KLHL26: variants seen among roughly 807,000 people sequenced by gnomAD.
The protein encoded by KLHL26 is kelch like family member 26.
A neutral mutation model predicts 7.1 loss-of-function variants in KLHL26; 4 were observed. The ratio of observed to expected loss-of-function variants is 0.56; its 90% CI spans 0.28 to 1.28. The LOEUF (loss-of-function observed/expected upper bound fraction) is 1.28, where lower values mean the gene tolerates loss of function less well. Among genes scored for constraint, KLHL26 ranks in the 50% most tolerant of loss-of-function variants. The pLI is 0.11. For synonymous variants in KLHL26, 465 were observed against 414.1 expected, an observed-to-expected ratio of 1.12 and a Z score of -1.49; for missense variants, 896 against 924.6, an observed-to-expected ratio of 0.97 and a Z score of 0.40.
At chr19:18,653,398 C>T (rs562421434) in intron 1 of KLHL26, among the ~76,000 whole-genome samples, 2 of 142,694 alleles carry the variant, frequency 1.4e-5, no homozygotes, top group Admixed American at 1.4e-4. Flanking sequence ...GCCCACCCAC[C>T]CACCTGCCCC....
At chr19:18,663,960 G>GCCTGTCT (rs2052417523) in intron 1 of KLHL26, among the ~76,000 whole-genome samples, 1 of 152,038 alleles carries the variant, frequency 6.6e-6, no homozygotes, top group East Asian at 1.9e-4. Context: ...CAATTCAGTG[G>GCCTGTCT]CATTTAGTAG....
chr19:18,668,118 C>A lies in KLHL26; in HGVS notation c.721C>A (p.Arg241=), dbSNP rs372759393. 6.3e-6 allele frequency: 10 copies of A among 1,599,478 alleles called. No individual in the cohort carries two copies. In the African/African-American group the frequency reaches 9.4e-5, roughly 15 times the overall value. ...VRWLQHDPAR[R]PRASHVLCHI... ...CTGGCTGCAGCATGACCCGGCCCGGCGGCCGCGCGCCAGCCACGTGCTCTG... is the reference window on the plus strand; with the variant it reads ...CTGGCTGCAGCATGACCCGGCCCGGAGGCCGCGCGCCAGCCACGTGCTCTG... Residue 241 remains arginine, a synonymous_variant, in exon 3 of 3, where the codon CGG becomes AGG. Coordinates refer to ENST00000300976, the MANE Select transcript of KLHL26 (RefSeq NM_018316.3).
chr19:18,651,628 G>T (rs941884825), intron 1 of KLHL26, among the ~76,000 whole-genome samples: 1 of 152,266 alleles, frequency 6.6e-6, no homozygotes. Context: ...ATCTGGCCTG[G>T]CTCTGCTGGG....
chr19:18,669,156 G>T lies in KLHL26; in HGVS notation c.1759G>T (p.Glu587Ter). 4 of 1,612,888 alleles carry T rather than the reference G, an allele frequency of 2.5e-6. No individual in the cohort carries two copies. Among genetic ancestry groups the T allele is most frequent in the Non-Finnish European group, 3.4e-6 (4 of 1,179,972 alleles). Reference sequence around the variant, plus strand: ...ACAGGTGTACAACACGGACACCGACGAGTGGGAGCGGGACCTGCACTTCCC... The same window carrying T: ...ACAGGTGTACAACACGGACACCGACTAGTGGGAGCGGGACCTGCACTTCCC... ...IVQVYNTDTD[E>*]WERDLHFPES... The change falls in exon 3 of 3, where the codon GAG (glutamate) becomes TAG (stop). Residue 587 changes from glutamate (E) to a stop codon, truncating the protein, a stop_gained. Coordinates refer to ENST00000300976, the MANE Select transcript of KLHL26 (RefSeq NM_018316.3). LOFTEE classifies it high-confidence loss of function.
rs1260062701 is a variant in KLHL26, at chr19:18,649,816, ACTCGT to A, written c.83+12683_83+12687del. ...GAGAGGGCCGCACAGAATTCACAGG[ACTCGT>A]CTCCAACGGCTGCGCCAGCAATTCC... On this transcript the variant is annotated intron_variant, in intron 1 of 2. Coordinates refer to ENST00000300976, the MANE Select transcript of KLHL26 (RefSeq NM_018316.3). This position sits in a 1 kb window ranked among gnomAD's most constrained non-coding sequence, Gnocchi z 4.0. Among the ~76,000 whole-genome samples, 3 of 151,636 alleles carry A rather than the reference ACTCGT, an allele frequency of 2.0e-5. No homozygotes were observed. Among genetic ancestry groups the A allele is most frequent in the Non-Finnish European group, 2.9e-5 (2 of 67,880 alleles).
rs1976804822 is a variant in KLHL26, at chr19:18,646,547, CCTCTTT to C, written c.83+9411_83+9416del. Among the ~76,000 whole-genome samples, 1 of 152,182 alleles carries C rather than the reference CCTCTTT, an allele frequency of 6.6e-6. No homozygotes were observed. The highest frequency in any genetic ancestry group is 2.4e-5 in the African/African-American group (1 of 41,442). On this transcript the variant is annotated intron_variant, in intron 1 of 2. Transcript: ENST00000300976. The surrounding 1 kb of genome is among the most constrained non-coding windows in gnomAD (Gnocchi z 5.0). ...TCATACCCATGGGTGACTGTGGCTC[CCTCTTT>C]ATGGGTTGTGGCTGTGACAGATTCC...
In KLHL26 at chr19:18,669,084, A is replaced by C. The variant is rs879153711; in HGVS notation, c.1687A>C (p.Ile563Leu). 6.2e-7 allele frequency: 1 copy of C among 1,612,908 alleles called. No homozygotes were observed. Among genetic ancestry groups the C allele is most frequent in the Non-Finnish European group, 8.5e-7 (1 of 1,179,962 alleles). ...CTGCCTGCTGGAGAGGAAGATCTAC[A>C]TCGTCGGGGGCTACAACTGGCGTCT... is the stretch of plus-strand genomic sequence containing the variant. ...GCCLLERKIY[I>L]VGGYNWRLNN... Residue 563 changes from isoleucine (I) to leucine (L), a missense_variant, in exon 3 of 3, where the codon ATC (isoleucine) becomes CTC (leucine). By Grantham distance (5) the Ile-to-Leu change is conservative. Transcript: ENST00000300976.
At chr19:18,664,116 T>G in intron 1 of KLHL26, 145 bp from the exon 2 acceptor site, 1 of 544,200 alleles carries the variant, frequency 1.8e-6, no homozygotes, top group Non-Finnish European at 2.9e-6. Flanking sequence ...TCTCTGCGGA[T>G]TTGCCTGTTC....
intron 1 of KLHL26, among the ~76,000 whole-genome samples, chr19:18,659,026 C>T (rs2052364765): frequency 6.6e-6 from 1 of 151,842 alleles, no homozygotes; most frequent in African/African-American, 2.4e-5. Context: ...TCCCTGTTCC[C>T]CTCTGGGTCT....
At chr19:18,655,191 C>T (rs1228878066) in intron 1 of KLHL26, among the ~76,000 whole-genome samples, 3 of 152,176 alleles carry the variant, frequency 2.0e-5, no homozygotes, top group Non-Finnish European at 2.9e-5. Context: ...TCTTGCAGGG[C>T]GGCTGGAGGA....
chr19:18,658,681 C>G (rs757173689), intron 1 of KLHL26, among the ~76,000 whole-genome samples: 1 of 150,076 alleles, frequency 6.7e-6, no homozygotes, highest in Admixed American at 6.7e-5. Context: ...CTTTCTCTCC[C>G]TCTTGCTGGG....
Position 18,664,297 on chromosome 19 carries a change from C to A in KLHL26, c.120C>A (p.Phe40Leu). 1.9e-6 allele frequency: 3 copies of A among 1,607,854 alleles called. No homozygotes were observed. The highest frequency in any genetic ancestry group is 2.5e-6 in the Non-Finnish European group (3 of 1,178,868). ...ADKNGALKCT[F>L]SAPSHSTSLL... ...AGAACGGGGCCCTCAAGTGCACCTT[C>A]TCGGCACCCAGCCACAGCACCAGCC... The change falls in exon 2 of 3, where the codon TTC becomes TTA. Residue 40 changes from phenylalanine to leucine, a missense_variant. Coordinates refer to ENST00000300976, the MANE Select transcript of KLHL26 (RefSeq NM_018316.3).
rs145618160 is a variant in KLHL26 at position 18,655,898 on chromosome 19, G to A, written c.84-8363G>A. Among the ~76,000 whole-genome samples, 1,166 of 152,276 alleles carry A rather than the reference G, an allele frequency of 7.7e-3. 10 individuals are homozygous for A. Among genetic ancestry groups the A allele is most frequent in the South Asian group, 0.016 (77 of 4,832 alleles). ...CCCCACACATCCTGGACTCCTGGTGGCATTGGTCAGAGGCTGGGATTAGGG... is the reference window on the plus strand; with the variant it reads ...CCCCACACATCCTGGACTCCTGGTGACATTGGTCAGAGGCTGGGATTAGGG... On this transcript the variant is annotated intron_variant, in intron 1 of 2. Coordinates refer to ENST00000300976, the MANE Select transcript of KLHL26 (RefSeq NM_018316.3).
chr19:18,642,547 A>G (rs1457304209), intron 1 of KLHL26, among the ~76,000 whole-genome samples: 2 of 150,796 alleles, frequency 1.3e-5, no homozygotes, highest in Non-Finnish European at 2.9e-5. Flanking sequence ...TATTTTTAGT[A>G]GAGGTGGGGT....
chr19:18,645,678 G>C (rs112071294), intron 1 of KLHL26, among the ~76,000 whole-genome samples: 19,011 of 151,978 alleles, frequency 0.13, 1,279 homozygotes, highest in Non-Finnish European at 0.14. Context: ...CAGGTGTGGT[G>C]GTGGGCGTCT....
chr19:18,651,826 T>C (rs1389640447), intron 1 of KLHL26, among the ~76,000 whole-genome samples: 1 of 152,252 alleles, frequency 6.6e-6, no homozygotes, highest in African/African-American at 2.4e-5. Flanking sequence ...CCTACTTGCC[T>C]GAACTGTGGA....
rs142833741 is a variant in KLHL26, at chr19:18,656,867, T to C, written c.84-7394T>C. 1.0e-3 allele frequency among the ~76,000 whole-genome samples: 157 copies of C among 152,188 alleles called. 1 individual carries two copies. The highest frequency in any genetic ancestry group is 3.5e-3 in the African/African-American group (144 of 41,520). The stretch of plus-strand genomic sequence containing the variant: ...GTGAAGATGTTGGAGAAAATCAGCA[T>C]GTCAAGCAGGAGGGAGACACAGACA... On this transcript the variant is annotated intron_variant, in intron 1 of 2. Transcript: ENST00000300976. The surrounding 1 kb of genome is among the most constrained non-coding windows in gnomAD (Gnocchi z 4.4).
intron 1 of KLHL26, among the ~76,000 whole-genome samples, chr19:18,637,980 A>G (rs992770168): frequency 6.6e-6 from 1 of 152,198 alleles, no homozygotes; most frequent in African/African-American, 2.4e-5. Flanking sequence ...GTTATCATCA[A>G]TAACTAATGA....
At chr19:18,644,310 A>G (rs1976764335) in intron 1 of KLHL26, among the ~76,000 whole-genome samples, 1 of 152,206 alleles carries the variant, frequency 6.6e-6, no homozygotes, top group South Asian at 2.1e-4. Flanking sequence ...CTGTTGATGG[A>G]CACTTAGATT....
Sources: allele counts gnomAD v4.1 joint callset (sites outside exome capture counted in the v4.1 genomes callset), GRCh38; gene constraint gnomAD v4.1.1; non-coding constraint Gnocchi (gnomAD v3.1); transcripts MANE v1.5; gene names NCBI Gene and HGNC (gene_info 2026-07-23, HGNC 2026-07-21).